CES4A: variants seen among roughly 807,000 people sequenced by gnomAD.
CES4A encodes carboxylesterase 6.
In CES4A, 48 loss-of-function variants were observed where a neutral mutation model predicts 65.4. The ratio of observed to expected loss-of-function variants is 0.73; its 90% CI spans 0.58 to 0.93. CES4A has a LOEUF of 0.93. Among genes scored for constraint, CES4A ranks in the 40% least tolerant of loss-of-function variants. The pLI, the probability that CES4A is intolerant of heterozygous loss-of-function variation, is 0.00. For missense variants in CES4A, 685 were observed against 728.5 expected (o/e 0.94, Z 0.69); for synonymous variants, 247 against 281.8 (o/e 0.88, Z 1.24).
intron 1 of CES4A, among the ~76,000 whole-genome samples, chr16:66,995,182 C>T (rs1434844791): frequency 2.0e-5 from 3 of 149,668 alleles, no homozygotes; most frequent in South Asian, 2.1e-4. Flanking sequence ...TGGTGGCGGG[C>T]GCCTGTGGTC....
intron 1 of CES4A, among the ~76,000 whole-genome samples, chr16:66,992,153 C>A (rs767539867): frequency 2.0e-5 from 3 of 152,234 alleles, no homozygotes; most frequent in Non-Finnish European, 2.9e-5. Context: ...TCACGGCCCC[C>A]CTCTGGGTCT....
exon 12 of CES4A, chr16:67,006,410 C>T (rs975229199): frequency 3.3e-6 from 5 of 1,536,656 alleles, no homozygotes; most frequent in Non-Finnish European, 4.4e-6. Flanking sequence ...TCCCTGTCTA[C>T]CTGTATGAAT....
chr16:67,003,941 C>A lies in CES4A; in HGVS notation c.940-143C>A. The A allele has an allele frequency of 1.2e-6, 1 of 864,582 alleles. No homozygotes were observed. Among genetic ancestry groups the A allele is most frequent in the Non-Finnish European group, 1.8e-6 (1 of 540,586 alleles). 53.6% of individuals were successfully genotyped at this position (864,582 alleles called of 1,614,324 possible). On this transcript the variant is annotated intron_variant, in intron 8 of 13. Coordinates refer to ENST00000648724, the Ensembl canonical transcript of CES4A. The surrounding 1 kb of genome is among the most constrained non-coding windows in gnomAD (Gnocchi z 4.2). ...ATCCTGCTCCCCTCCCACACCCATC[C>A]TCCTGGGGCTCACCATGCCAGCCCC...
chr16:67,004,987 C>A, intron 10 of CES4A, 114 bp downstream of exon 10: 1 of 904,018 alleles, frequency 1.1e-6, no homozygotes, highest in Non-Finnish European at 1.7e-6. Context: ...AAGGATCTTT[C>A]TTGGAGGGTC....
In CES4A at chr16:67,006,832, C is replaced by T. The variant is rs753887031; in HGVS notation, c.1517+15C>T. On this transcript the variant is annotated intron_variant, in intron 13 of 13. Transcript: ENST00000648724. ...GCCCGCACAGGGTGAGTCTGCCCCC[C>T]AGCACATCTGGGCATTCTACCTGCC... 3 of 1,613,182 alleles carry T rather than the reference C, an allele frequency of 1.9e-6. No homozygotes were observed. The Admixed American group carries it at 5.0e-5, about 27-fold the overall frequency.
In CES4A at chr16:67,000,729, T is replaced by C; in HGVS notation, c.352T>C (p.Tyr118His). ...GCTGCGCTTCAGCGAGGACTGTCTGTACCTGAACGTGTACGCGCCGGCGCG... is the reference window on the plus strand; with the variant it reads ...GCTGCGCTTCAGCGAGGACTGTCTGCACCTGAACGTGTACGCGCCGGCGCG... The change falls in exon 3 of 14, where the codon TAC becomes CAC. Residue 118 changes from tyrosine to histidine, a missense_variant. Transcript: ENST00000648724. This position sits in a 1 kb window ranked among gnomAD's most constrained non-coding sequence, Gnocchi z 4.2. The C allele has an allele frequency of 6.5e-7, 1 of 1,549,994 alleles. No individual in the cohort carries two copies. Among genetic ancestry groups the C allele is most frequent in the Non-Finnish European group, 8.7e-7 (1 of 1,146,772 alleles).
At chr16:67,007,900 T>G (rs1965896138) in intron 13 of CES4A, 1 of 151,988 alleles carries the variant, frequency 6.6e-6, no homozygotes, top group Admixed American at 6.6e-5. Context: ...TTCTCCTGCC[T>G]CAGCCTACCG....
Position 67,004,081 on chromosome 16 carries a change from T to C in CES4A, c.940-3T>C. The C allele has an allele frequency of 6.2e-7, 1 of 1,613,886 alleles. No homozygotes were observed. Among genetic ancestry groups the C allele is most frequent in the Non-Finnish European group, 8.5e-7 (1 of 1,179,970 alleles). On this transcript the variant is annotated splice_polypyrimidine_tract_variant and splice_region_variant and intron_variant, in intron 8 of 13. Transcript: ENST00000648724. ...CTGGCTGGAAATGCCCTTTGCCTTG[T>C]AGATTATCTGGTCCATGAGCCCTGT...
chr16:67,006,210 G>A (rs1156697161), intron 11 of CES4A, 181 bp from the exon 12 acceptor site: 3 of 603,100 alleles, frequency 5.0e-6, no homozygotes, highest in Non-Finnish European at 8.7e-6. Flanking sequence ...CAGAAAGGTA[G>A]AGCAACTTGC....
intron 2 of CES4A, 118 bp downstream of exon 2, chr16:66,995,947 C>A: frequency 1.0e-6 from 1 of 999,414 alleles, no homozygotes; most frequent in Non-Finnish European, 1.5e-6. Flanking sequence ...AGGCCTGGGG[C>A]CCATTCTGGG....
At chr16:67,010,217 C>T (rs764936623), downstream of CES4A, among the ~76,000 whole-genome samples, 5 of 151,666 alleles carry the variant, frequency 3.3e-5, no homozygotes, top group Non-Finnish European at 7.4e-5. Context: ...AGATGCCCAC[C>T]ACCATGCCCG....
chr16:67,003,498 C>T lies in CES4A; in HGVS notation c.901-17C>T. 23 of 1,612,686 alleles carry T rather than the reference C, an allele frequency of 1.4e-5. No homozygotes were observed. Among genetic ancestry groups the T allele is most frequent in the Non-Finnish European group, 1.9e-5 (22 of 1,178,700 alleles). On this transcript the variant is annotated splice_polypyrimidine_tract_variant and intron_variant, in intron 7 of 13. Coordinates refer to ENST00000648724, the Ensembl canonical transcript of CES4A. The surrounding 1 kb of genome is among the most constrained non-coding windows in gnomAD (Gnocchi z 4.2). Reference sequence around the variant, plus strand: ...GGGAGACTTCCTTTAACTCTGATCCCTTCCTCTCCCCCATAGAGATTCCTC... The same window carrying T: ...GGGAGACTTCCTTTAACTCTGATCCTTTCCTCTCCCCCATAGAGATTCCTC...
At chr16:66,996,088 A>G in intron 2 of CES4A, 2 of 578,180 alleles carry the variant, frequency 3.5e-6, no homozygotes, top group Non-Finnish European at 6.5e-6. Context: ...GCCAGGCTGG[A>G]GTGCAGTGGC....
intron 2 of CES4A, among the ~76,000 whole-genome samples, chr16:66,999,451 T>C (rs1171910162): frequency 6.6e-6 from 1 of 152,180 alleles, no homozygotes; most frequent in Non-Finnish European, 1.5e-5. Flanking sequence ...GGGAAGTGCA[T>C]GGTCACTTGG....
intron 1 of CES4A, among the ~76,000 whole-genome samples, chr16:66,992,487 A>C (rs1180637439): frequency 6.6e-6 from 1 of 152,156 alleles, no homozygotes; most frequent in Non-Finnish European, 1.5e-5. Context: ...TGCAACCCTG[A>C]GATTCTCATC....
chr16:66,992,591 A>C (rs1964481741), intron 1 of CES4A, among the ~76,000 whole-genome samples: 1 of 152,222 alleles, frequency 6.6e-6, no homozygotes, highest in African/African-American at 2.4e-5. Context: ...TACTTGGATC[A>C]GGTCTGCTTT....
intron 5 of CES4A, among the ~76,000 whole-genome samples, chr16:67,002,616 G>A (rs778771721): frequency 6.6e-6 from 1 of 152,092 alleles, no homozygotes; most frequent in African/African-American, 2.4e-5. Flanking sequence ...CCCAGACAGG[G>A]ATTGGCTGGA....
At chr16:67,009,434 CTCT>C in exon 14 of CES4A, 1 of 290,470 alleles carries the variant, frequency 3.4e-6, no homozygotes, top group Non-Finnish European at 6.4e-6. Flanking sequence ...TCAGGACAAC[CTCT>C]TTTTTTCCCT....
At position 67,003,330 on chromosome 16, in the gene CES4A, G is replaced by T; in HGVS notation, c.870G>T (p.Gly290=). ...TAAACTGCCTGAGGGCACTATCAGG[G>T]ACCAAGGTGATGCGTGTGTCCAACA... Residue 290 remains glycine (G), a synonymous_variant, in exon 7 of 14, where the codon GGG becomes GGT. Coordinates refer to ENST00000648724, the Ensembl canonical transcript of CES4A. The surrounding 1 kb of genome is among the most constrained non-coding windows in gnomAD (Gnocchi z 4.2). 6 of 1,614,024 alleles carry T rather than the reference G, an allele frequency of 3.7e-6. No homozygotes were observed. Among genetic ancestry groups the T allele is most frequent in the Non-Finnish European group, 5.1e-6 (6 of 1,180,012 alleles).
Sources: gnomAD v4.1 joint callset for allele counts (sites outside exome capture counted in the v4.1 genomes callset) on GRCh38, gnomAD v4.1.1 for gene constraint, Gnocchi (gnomAD v3.1) non-coding constraint, MANE v1.5 for transcripts, NCBI Gene and HGNC (gene_info 2026-07-23, HGNC 2026-07-21) for gene names.